Variants in FBXO16 observed in about 807,000 individuals in gnomAD.
FBXO16 encodes the protein F-box protein 16.
A neutral mutation model predicts 41.0 loss-of-function variants in FBXO16; 31 were observed. The ratio of observed to expected loss-of-function variants is 0.76; its 90% CI spans 0.57 to 1.02. The LOEUF is 1.02. FBXO16 is among the 50% of genes least tolerant of loss of function. The pLI is 0.00. For missense variants in FBXO16, 361 were observed against 346.2 expected, an observed-to-expected ratio of 1.04 and a Z score of -0.34; for synonymous variants, 133 against 117.8, an observed-to-expected ratio of 1.13 and a Z score of -0.84.
chr8:28,489,348 CAAAA>C (rs1254852370), intron 1 of FBXO16, among the ~76,000 whole-genome samples: 1 of 151,304 alleles, frequency 6.6e-6, no homozygotes, highest in African/African-American at 2.4e-5. Flanking sequence ...TCTTGAAAAA[CAAAA>C]AAACACCAAC....
intron 3 of FBXO16, among the ~76,000 whole-genome samples, chr8:28,466,862 TG>T (rs1803252110): frequency 6.6e-6 from 1 of 152,160 alleles, no homozygotes; most frequent in South Asian, 2.1e-4. Flanking sequence ...TGGAGGAGTA[TG>T]GCTGTGAGTT....
intron 6 of FBXO16, 145 bp from the exon 7 acceptor site, chr8:28,447,418 C>A: frequency 1.6e-6 from 1 of 639,898 alleles, no homozygotes; most frequent in Non-Finnish European, 2.7e-6. Flanking sequence ...AAATGTCTAT[C>A]AATAGAGAAC....
At chr8:28,446,163 A>C (rs1274983533) in intron 7 of FBXO16, among the ~76,000 whole-genome samples, 4 of 146,952 alleles carry the variant, frequency 2.7e-5, no homozygotes, top group Non-Finnish European at 5.9e-5. Context: ...AAGTTACTTT[A>C]AATGCATTTT....
chr8:28,479,809 C>T (rs1320878134), intron 2 of FBXO16, among the ~76,000 whole-genome samples: 1 of 152,158 alleles, frequency 6.6e-6, no homozygotes, highest in South Asian at 2.1e-4. Flanking sequence ...CAACCTCCAA[C>T]TCCTGGGCTC....
intron 4 of FBXO16, 43 bp from the exon 5 acceptor site, chr8:28,456,973 C>A: frequency 1.9e-6 from 3 of 1,587,896 alleles, no homozygotes; most frequent in Non-Finnish European, 2.6e-6. Flanking sequence ...ATCAAACAAC[C>A]CCTTCAGTTT....
chr8:28,483,380 T>A lies in FBXO16; in HGVS notation c.67A>T (p.Thr23Ser), dbSNP rs753245115. 6.2e-7 allele frequency: 1 copy of A among 1,614,192 alleles called. No homozygotes were observed. The highest frequency in any genetic ancestry group is 8.5e-7 in the Non-Finnish European group (1 of 1,180,030). Residue 23 changes from threonine (T) to serine (S), a missense_variant, in exon 2 of 9, where the codon ACA becomes TCA. Physicochemically the swap from Thr to Ser is moderately conservative, Grantham distance 58. Coordinates refer to ENST00000380254, the MANE Select transcript of FBXO16 (RefSeq NM_172366.4). Reference protein sequence around the residue: ...PKMQTKMSTWTPLNHQLLNDR... With the variant: ...PKMQTKMSTWSPLNHQLLNDR... Reference sequence around the variant, plus strand: ...TTCAATAGCTGATGGTTTAGGGGTGTCCAGGTGCTCATCTTTGTCTGCATT... The same window carrying A: ...TTCAATAGCTGATGGTTTAGGGGTGACCAGGTGCTCATCTTTGTCTGCATT...
intron 6 of FBXO16, among the ~76,000 whole-genome samples, chr8:28,450,003 G>C (rs990030357): frequency 1.3e-5 from 2 of 150,468 alleles, no homozygotes; most frequent in African/African-American, 4.9e-5. Flanking sequence ...AAAGAAGGGC[G>C]ATTTGCATAA....
intron 5 of FBXO16, chr8:28,455,757 A>G (rs778125471): frequency 2.6e-5 from 4 of 152,356 alleles, no homozygotes; most frequent in Admixed American, 2.0e-4. Context: ...TTTAAAAGAA[A>G]TCCTCGTGGA....
At chr8:28,481,173 T>C (rs1263290781) in intron 2 of FBXO16, among the ~76,000 whole-genome samples, 1 of 152,128 alleles carries the variant, frequency 6.6e-6, no homozygotes, top group Non-Finnish European at 1.5e-5. Context: ...GGTGTTGGAA[T>C]TTACTCTTGG....
chr8:28,479,643 T>C (rs1803480206), intron 2 of FBXO16, among the ~76,000 whole-genome samples: 1 of 152,222 alleles, frequency 6.6e-6, no homozygotes, highest in Non-Finnish European at 1.5e-5. Context: ...AACTGTTATA[T>C]AAACTGTGGG....
rs142413324 is a variant in FBXO16 at position 28,456,924 on chromosome 8, A to G, written c.349T>C (p.Trp117Arg). The G allele has an allele frequency of 1.1e-4, 178 of 1,612,304 alleles. No individual in the cohort carries two copies. In the East Asian group the frequency reaches 1.9e-3, roughly 17 times the overall value. The change falls in exon 5 of 9, where the codon TGG becomes CGG. Residue 117 changes from tryptophan (W) to arginine (R), a missense_variant. Physicochemically the swap from Trp to Arg is moderately radical, Grantham distance 101. Transcript: ENST00000380254. ...RSLCRCAQVC[W>R]HWKNLAELDQ... is the part of the protein sequence containing the mutation. Reference sequence around the variant, plus strand: ...AGCTCAGCAAGGTTCTTCCAATGCCAGCACACCTGGAAAAACAATTACAAT... The same window carrying G: ...AGCTCAGCAAGGTTCTTCCAATGCCGGCACACCTGGAAAAACAATTACAAT...
intron 1 of FBXO16, among the ~76,000 whole-genome samples, chr8:28,487,411 T>G (rs963708939): frequency 1.3e-5 from 2 of 151,018 alleles, no homozygotes; most frequent in Non-Finnish European, 3.0e-5. Flanking sequence ...TTTTTTTTTT[T>G]TGAGATGAAG....
intron 3 of FBXO16, among the ~76,000 whole-genome samples, chr8:28,466,840 G>A (rs1055932637): frequency 6.6e-6 from 1 of 152,208 alleles, no homozygotes; most frequent in Non-Finnish European, 1.5e-5. Flanking sequence ...GAGCTGGGGA[G>A]TGAAGGCAGA....
chr8:28,431,645 G>C (rs77968941), intron 7 of FBXO16, among the ~76,000 whole-genome samples: 1 of 152,210 alleles, frequency 6.6e-6, no homozygotes, highest in East Asian at 1.9e-4. Flanking sequence ...AAGCATCTTA[G>C]CGGGCTAACT....
chr8:28,442,170 C>T (rs1338853136), intron 7 of FBXO16, among the ~76,000 whole-genome samples: 2 of 151,956 alleles, frequency 1.3e-5, no homozygotes, highest in African/African-American at 2.4e-5. Flanking sequence ...AAACTCCTGA[C>T]TTCGTGATCT....
chr8:28,469,746 C>T (rs1436625047), intron 3 of FBXO16, among the ~76,000 whole-genome samples: 7 of 150,964 alleles, frequency 4.6e-5, no homozygotes, highest in African/African-American at 1.7e-4. Context: ...ACTAAAAATA[C>T]AAAAATTAGC....
chr8:28,448,116 G>T (rs973706283), intron 6 of FBXO16, among the ~76,000 whole-genome samples: 1 of 152,114 alleles, frequency 6.6e-6, no homozygotes, highest in African/African-American at 2.4e-5. Flanking sequence ...GAGAGGGAAG[G>T]ATAACTTGAG....
intron 1 of FBXO16, among the ~76,000 whole-genome samples, chr8:28,486,855 A>T (rs926777513): frequency 6.6e-6 from 1 of 152,088 alleles, no homozygotes; most frequent in African/African-American, 2.4e-5. Context: ...TAATAAAAAC[A>T]TAAAAATTAA....
rs1465464196 is a variant in FBXO16, at chr8:28,462,904, C to CA, written c.342+707dup. On this transcript the variant is annotated intron_variant, in intron 4 of 8. Coordinates refer to ENST00000380254, the MANE Select transcript of FBXO16 (RefSeq NM_172366.4). ...TTATTCATGAATGCCCTGTGCTCTA[C>CA]AATTGAGGACCTTATTGCAGCTGAA... Among the ~76,000 whole-genome samples the CA allele has an allele frequency of 7.9e-5, 12 of 152,208 alleles. 1 individual carries two copies. Among genetic ancestry groups the CA allele is most frequent in the Non-Finnish European group, 1.6e-4 (11 of 68,040 alleles).
Sources: gnomAD v4.1 joint callset for allele counts (sites outside exome capture counted in the v4.1 genomes callset) on GRCh38, gnomAD v4.1.1 for gene constraint, MANE v1.5 for transcripts, NCBI Gene and HGNC (gene_info 2026-07-23, HGNC 2026-07-21) for gene names.